ZFYVE26: variants seen among roughly 807,000 people sequenced by gnomAD.
ZFYVE26 encodes zinc finger FYVE-type containing 26.
ZFYVE26 carries 181 observed loss-of-function variants against 276.5 expected under a neutral mutation model. The observed-to-expected ratio is 0.65, with a 90% CI of 0.58 to 0.74. ZFYVE26 has a LOEUF of 0.74. Ranked by LOEUF, ZFYVE26 falls within the 30% of genes least tolerant of loss-of-function variation. ZFYVE26 has a pLI of 0.00. For missense variants in ZFYVE26, 2,821 were observed against 3,097.9 expected, an observed-to-expected ratio of 0.91 and a Z score of 2.12; for synonymous variants, 1,129 against 1,203.1, an observed-to-expected ratio of 0.94 and a Z score of 1.27.
At chr14:67,729,257 C>A in exon 14 of ZFYVE26, 1 of 1,608,970 alleles carries the variant, frequency 6.2e-7, no homozygotes, top group Non-Finnish European at 8.5e-7. Context: ...CGGCACTCCT[C>A]CCTGCTCTGC....
chr14:67,772,239 A>G, intron 27 of ZFYVE26, 29 bp from the exon 28 acceptor site: 3 of 1,606,306 alleles, frequency 1.9e-6, no homozygotes, highest in Non-Finnish European at 2.6e-6. Context: ...GGTCAGAGTA[A>G]AAGGTAATCA....
At chr14:67,769,451 G>T in intron 29 of ZFYVE26, 143 bp downstream of exon 29, 1 of 1,262,342 alleles carries the variant, frequency 7.9e-7, no homozygotes, top group Non-Finnish European at 1.1e-6. Context: ...AAACCCTTCA[G>T]TGTAGAGTTA....
At chr14:67,754,001 C>G (rs1036481386) in intron 38 of ZFYVE26, 70 bp downstream of exon 38, 2 of 1,609,454 alleles carry the variant, frequency 1.2e-6, no homozygotes. Context: ...AATCACTAGA[C>G]AACTGCAATT....
chr14:67,783,784 T>C (rs1447860765), intron 20 of ZFYVE26, among the ~76,000 whole-genome samples: 3 of 152,200 alleles, frequency 2.0e-5, no homozygotes, highest in Non-Finnish European at 1.5e-5. Context: ...AGTATTCCAT[T>C]ATATAGATGA....
At chr14:67,792,930 A>AG (rs910177052) in intron 14 of ZFYVE26, among the ~76,000 whole-genome samples, 4 of 150,428 alleles carry the variant, frequency 2.7e-5, no homozygotes, top group African/African-American at 7.3e-5. Context: ...AAAAAAAAAA[A>AG]AAAAGAAAAG....
chr14:67,756,315 C>T lies in ZFYVE26; in HGVS notation c.6589-170G>A, dbSNP rs555223714. Reference sequence around the variant, plus strand: ...TTTGAGAATCTCATTCTAGCGACTGCTTCACTTCTCTCCTTCCTTTTACAG... The same window carrying T: ...TTTGAGAATCTCATTCTAGCGACTGTTTCACTTCTCTCCTTCCTTTTACAG... On this transcript the variant is annotated intron_variant, in intron 35 of 41. Transcript: ENST00000347230. 3.8e-4 allele frequency: 281 copies of T among 736,600 alleles called. 1 individual carries two copies. Among genetic ancestry groups the T allele is most frequent in the Non-Finnish European group, 5.5e-4 (234 of 425,714 alleles). The allele number at this position is 736,600 out of a possible 1,614,324, so 45.6% of individuals were successfully genotyped here.
chr14:67,764,032 C>T (rs2038998203), intron 32 of ZFYVE26, among the ~76,000 whole-genome samples: 1 of 152,148 alleles, frequency 6.6e-6, no homozygotes. Flanking sequence ...GACTTGACAT[C>T]CTCACCCTGG....
In ZFYVE26 at chr14:67,789,601, G is replaced by T. The variant is rs765355036; in HGVS notation, c.2756-3C>A. On this transcript the variant is annotated splice_polypyrimidine_tract_variant and splice_region_variant and intron_variant, in intron 15 of 41. Coordinates refer to ENST00000347230, the MANE Select transcript of ZFYVE26 (RefSeq NM_015346.4). ...AGAGATAGAGTAAAACACCATTCCT[G>T]GCCGCCCAGCAGAGGAATAAAAAGC... The T allele has an allele frequency of 6.2e-7, 1 of 1,614,060 alleles. No individual in the cohort carries two copies. Among genetic ancestry groups the T allele is most frequent in the Non-Finnish European group, 8.5e-7 (1 of 1,180,038 alleles).
At chr14:67,816,174 C>A (rs1190576556) in intron 1 of ZFYVE26, 128 bp from the exon 2 acceptor site, 3 of 543,054 alleles carry the variant, frequency 5.5e-6, no homozygotes, top group Non-Finnish European at 9.8e-6. Flanking sequence ...TAATTTCCCA[C>A]GTTACTTTTT....
At position 67,732,687 on chromosome 14, in the gene ZFYVE26, CT is replaced by C. The variant is rs368837803; in HGVS notation, n.2680-2869del. Reference sequence around the variant, plus strand: ...TGCCTCCTGGGTTCAAGCCATTCTCCTGCATCAGCCTCCCAAGTAGCTGGGA... The same window carrying C: ...TGCCTCCTGGGTTCAAGCCATTCTCCGCATCAGCCTCCCAAGTAGCTGGGA... On this transcript the variant is annotated intron_variant and non_coding_transcript_variant, in intron 13 of 14. Transcript: ENST00000394455. Among the ~76,000 whole-genome samples, 1,056 of 152,266 alleles carry C rather than the reference CT, an allele frequency of 6.9e-3. 6 individuals carry two copies. The highest frequency in any genetic ancestry group is 0.01 in the Admixed American group (155 of 15,296).
In ZFYVE26 at chr14:67,782,843, C is replaced by T. The variant is rs535272883; in HGVS notation, c.4309G>A (p.Gly1437Arg). The change falls in exon 21 of 42, where the codon GGG (glycine) becomes AGG (arginine). Residue 1437 changes from glycine to arginine, a missense_variant. Transcript: ENST00000347230. ...SRALQLTEVY[G>R]RDVDDLSSIK... ...CTGCTCAAATCGTCCACATCTCGCCCGTACACTTCAGTGAGCTGAAGGGCC... is the reference window on the plus strand; with the variant it reads ...CTGCTCAAATCGTCCACATCTCGCCTGTACACTTCAGTGAGCTGAAGGGCC... 6.8e-6 allele frequency: 11 copies of T among 1,614,222 alleles called. No individual in the cohort carries two copies. Among genetic ancestry groups the T allele is most frequent in the Middle Eastern group, 1.6e-4 (1 of 6,062 alleles).
intron 27 of ZFYVE26, among the ~76,000 whole-genome samples, chr14:67,773,346 T>C (rs1002146932): frequency 6.6e-6 from 1 of 151,450 alleles, no homozygotes; most frequent in Non-Finnish European, 1.5e-5. Context: ...AGTTCAAGAG[T>C]TCGAGACCAG....
Position 67,755,010 on chromosome 14 carries a change from C to A in ZFYVE26, c.6986+41G>T, listed in dbSNP as rs201467319. On this transcript the variant is annotated intron_variant, in intron 37 of 41. Transcript: ENST00000347230. Reference sequence around the variant, plus strand: ...TCACCTACAGACAACTGCTCCCACCCTTTCTGCCCCACACCAATAGTCCCC... The same window carrying A: ...TCACCTACAGACAACTGCTCCCACCATTTCTGCCCCACACCAATAGTCCCC... 5.5e-4 allele frequency: 890 copies of A among 1,609,592 alleles called. 1 individual carries two copies. Among genetic ancestry groups the A allele is most frequent in the Admixed American group, 7.7e-4 (46 of 60,010 alleles).
chr14:67,814,618 T>C (rs1329576278), intron 2 of ZFYVE26, among the ~76,000 whole-genome samples: 1 of 152,218 alleles, frequency 6.6e-6, no homozygotes, highest in African/African-American at 2.4e-5. Context: ...CACCTCCTTA[T>C]CTTAGTTTAA....
chr14:67,785,394 T>C (rs2039622938), intron 18 of ZFYVE26, 117 bp from the exon 19 acceptor site: 1 of 903,204 alleles, frequency 1.1e-6, no homozygotes, highest in Non-Finnish European at 1.8e-6. Flanking sequence ...GGGCATCTGA[T>C]GGCCTGGACA....
rs1298070428 is a variant in ZFYVE26 at position 67,747,748 on chromosome 14, T to C, written c.*688A>G. 2 of 145,218 alleles carry C rather than the reference T, an allele frequency of 1.4e-5. No individual in the cohort carries two copies. Among genetic ancestry groups the C allele is most frequent in the African/African-American group, 2.5e-5 (1 of 39,330 alleles). 9.0% of individuals were successfully genotyped at this position (145,218 alleles called of 1,614,324 possible). A position where few individuals can be genotyped will look rare whatever the true frequency, so the allele number is the denominator to read the frequency against. The stretch of plus-strand genomic sequence containing the variant: ...TCACAGACCTGATCATTTATACACA[T>C]ACCCACAGCTTTCAGATGCCTGCAC... On this transcript the variant is annotated 3_prime_UTR_variant, in exon 42 of 42. Coordinates refer to ENST00000347230, the MANE Select transcript of ZFYVE26 (RefSeq NM_015346.4).
At chr14:67,776,944 T>C (rs2039359943) in intron 25 of ZFYVE26, among the ~76,000 whole-genome samples, 1 of 152,254 alleles carries the variant, frequency 6.6e-6, no homozygotes, top group Non-Finnish European at 1.5e-5. Context: ...CCTAGCTCTC[T>C]TCAAACTCTG....
chr14:67,745,372 T>C (rs1235267929), downstream of ZFYVE26, among the ~76,000 whole-genome samples: 5 of 152,200 alleles, frequency 3.3e-5, no homozygotes, highest in Non-Finnish European at 7.4e-5. Flanking sequence ...TTCACTCTGA[T>C]AGTGTCTTTT....
intron 32 of ZFYVE26, among the ~76,000 whole-genome samples, chr14:67,765,486 G>GTAT (rs2039032203): frequency 1.3e-5 from 2 of 152,294 alleles, no homozygotes; most frequent in South Asian, 4.1e-4. Flanking sequence ...CTGTAGGCAA[G>GTAT]TATTCCAAGC....
Sources: gnomAD v4.1 joint callset for allele counts (sites outside exome capture counted in the v4.1 genomes callset) on GRCh38, gnomAD v4.1.1 for gene constraint, MANE v1.5 for transcripts, NCBI Gene and HGNC (gene_info 2026-07-23, HGNC 2026-07-21) for gene names.